The following ANKRD11 variants were observed in gnomAD, a reference collection of about 807,000 sequenced individuals.
The protein encoded by ANKRD11 is ankyrin repeat domain 11, also known as ankyrin repeat domain-containing protein 11.
ANKRD11 carries 17 observed loss-of-function variants against 195.7 expected under a neutral mutation model. The observed-to-expected ratio is 0.09, with a 90% confidence interval of 0.06 to 0.13. ANKRD11 has a LOEUF of 0.13. Among genes scored for constraint, ANKRD11 ranks in the 10% least tolerant of loss-of-function variants. The pLI, the probability that ANKRD11 is intolerant of heterozygous loss-of-function variation, is 1.00. For missense variants in ANKRD11, 3,735 were observed against 3,566.1 expected (o/e 1.05, Z -1.21); for synonymous variants, 1,953 against 1,528.1 (o/e 1.28, Z -6.49).
At chr16:89,455,531 C>G (rs559958325) in intron 1 of ANKRD11, among the ~76,000 whole-genome samples, 1 of 152,278 alleles carries the variant, frequency 6.6e-6, no homozygotes, top group South Asian at 2.1e-4. Flanking sequence ...CCTTCCAACA[C>G]TGCATGAGTA....
At chr16:89,325,442 C>T (rs1269958308) in intron 2 of ANKRD11, among the ~76,000 whole-genome samples, 1 of 128,958 alleles carries the variant, frequency 7.8e-6, no homozygotes, top group African/African-American at 3.1e-5. Flanking sequence ...TCTCCCCTCT[C>T]CCCTCTCCTC....
chr16:89,366,641 G>A (rs907347566), intron 2 of ANKRD11, among the ~76,000 whole-genome samples: 12 of 152,144 alleles, frequency 7.9e-5, no homozygotes, highest in Admixed American at 4.6e-4. Context: ...TGGCTAACCC[G>A]AGCTGTTTCC....
chr16:89,418,685 T>C (rs1856406222), intron 1 of ANKRD11, among the ~76,000 whole-genome samples: 1 of 152,098 alleles, frequency 6.6e-6, no homozygotes, highest in African/African-American at 2.4e-5. Flanking sequence ...GGGCTTTTTA[T>C]ACGTAAGAAA....
At chr16:89,438,978 C>A (rs934273764) in intron 1 of ANKRD11, among the ~76,000 whole-genome samples, 2 of 151,324 alleles carry the variant, frequency 1.3e-5, no homozygotes, top group Non-Finnish European at 2.9e-5. Context: ...AACGACAGAG[C>A]AAGACCCTGC....
intron 1 of ANKRD11, among the ~76,000 whole-genome samples, chr16:89,483,239 T>C (rs2057500786): frequency 6.6e-6 from 1 of 152,208 alleles, no homozygotes; most frequent in Non-Finnish European, 1.5e-5. Context: ...TCCTCAACTC[T>C]CTAAAACTTC....
intron 2 of ANKRD11, among the ~76,000 whole-genome samples, chr16:89,383,799 G>C (rs534104018): frequency 6.6e-6 from 1 of 152,286 alleles, no homozygotes; most frequent in African/African-American, 2.4e-5. Flanking sequence ...GCCCAATCAT[G>C]ATAGCACCCA....
At chr16:89,300,887 A>T (rs1287329791) in intron 4 of ANKRD11, 1 of 702,216 alleles carries the variant, frequency 1.4e-6, no homozygotes, top group African/African-American at 1.7e-5. Flanking sequence ...TGCAGAGGGC[A>T]GGCAGCTTCG....
intron 2 of ANKRD11, among the ~76,000 whole-genome samples, chr16:89,363,237 A>G (rs1003550947): frequency 6.6e-6 from 1 of 152,076 alleles, no homozygotes; most frequent in Non-Finnish European, 1.5e-5. Context: ...TTCATTTAAA[A>G]TTTTTTCCTA....
rs1282180334 is a variant in ANKRD11, at chr16:89,320,974, CAAGAGCACT to C, written c.-59-3905_-59-3897del. ...GCCTGCTCCTCCCGGAAGGTGGCTT[CAAGAGCACT>C]CAGGAGGTGACAGATGCTGTCAAGA... On this transcript the variant is annotated intron_variant, in intron 2 of 12. Coordinates refer to ENST00000301030, the MANE Select transcript of ANKRD11 (RefSeq NM_013275.6). Among the ~76,000 whole-genome samples, 4 of 152,218 alleles carry C rather than the reference CAAGAGCACT, an allele frequency of 2.6e-5. No individual in the cohort carries two copies. In the East Asian group the frequency reaches 7.7e-4, roughly 29 times the overall value.
intron 2 of ANKRD11, among the ~76,000 whole-genome samples, chr16:89,349,861 A>C (rs1212174874): frequency 7.5e-6 from 1 of 133,138 alleles, no homozygotes; most frequent in South Asian, 2.5e-4. Flanking sequence ...TACTTGTTAA[A>C]ACACACACAC....
intron 1 of ANKRD11, among the ~76,000 whole-genome samples, chr16:89,453,351 G>A (rs769897772): frequency 6.6e-6 from 1 of 152,182 alleles, no homozygotes; most frequent in Non-Finnish European, 1.5e-5. Context: ...TAAAATGGAA[G>A]AGGAATCCCT....
At chr16:89,374,345 AT>A (rs745985024) in intron 2 of ANKRD11, among the ~76,000 whole-genome samples, 5,426 of 147,836 alleles carry the variant, frequency 0.037, 211 homozygotes, top group African/African-American at 0.092. Context: ...TGTAAAAAAA[AT>A]AATAATAATA....
chr16:89,419,111 T>A lies in ANKRD11; in HGVS notation c.-144-743A>T, dbSNP rs193184142. Among the ~76,000 whole-genome samples, 124 of 152,328 alleles carry A rather than the reference T, an allele frequency of 8.1e-4. 1 individual carries two copies. The highest frequency in any genetic ancestry group is 2.9e-3 in the African/African-American group (121 of 41,578). Reference sequence around the variant, plus strand: ...AAGATAAGGTGGTTTTCATTTCCACTGAGTATTTTAAGAGGAAAAGATTAT... The same window carrying A: ...AAGATAAGGTGGTTTTCATTTCCACAGAGTATTTTAAGAGGAAAAGATTAT... On this transcript the variant is annotated intron_variant, in intron 1 of 12. Transcript: ENST00000301030.
At chr16:89,349,458 C>T (rs1042271793) in intron 2 of ANKRD11, among the ~76,000 whole-genome samples, 1 of 151,970 alleles carries the variant, frequency 6.6e-6, no homozygotes, top group South Asian at 2.1e-4. Flanking sequence ...CCAGCCTGGG[C>T]GACAGAGCGA....
chr16:89,286,915 A>C, intron 7 of ANKRD11: 1 of 1,289,614 alleles, frequency 7.8e-7, no homozygotes, highest in Non-Finnish European at 1.0e-6. Context: ...AATCTGTCAT[A>C]ACGTTTACTA....
chr16:89,408,402 G>A (rs958584910), intron 2 of ANKRD11, among the ~76,000 whole-genome samples: 18 of 152,260 alleles, frequency 1.2e-4, no homozygotes, highest in African/African-American at 4.3e-4. Flanking sequence ...AGTTGCCTGG[G>A]CAGAGGAGGA....
At chr16:89,302,382 A>G (rs563700911) in intron 4 of ANKRD11, among the ~76,000 whole-genome samples, 15 of 152,142 alleles carry the variant, frequency 9.9e-5, no homozygotes, top group Non-Finnish European at 2.2e-4. Flanking sequence ...CCTCCCGAGT[A>G]GCTGGGATTA....
intron 1 of ANKRD11, among the ~76,000 whole-genome samples, chr16:89,489,690 G>A (rs2057747233): frequency 6.6e-6 from 1 of 151,376 alleles, no homozygotes; most frequent in South Asian, 2.1e-4. Context: ...GCGCCCCCTG[G>A]CAGCCCCTCC....
intron 2 of ANKRD11, among the ~76,000 whole-genome samples, chr16:89,409,854 T>A (rs1396841594): frequency 7.1e-6 from 1 of 141,038 alleles, no homozygotes; most frequent in South Asian, 2.1e-4. Flanking sequence ...TTATTTATTT[T>A]TTGAGATGGG....
Sources: allele counts gnomAD v4.1 joint callset (sites outside exome capture counted in the v4.1 genomes callset), GRCh38; gene constraint gnomAD v4.1.1; transcripts MANE v1.5; gene names NCBI Gene and HGNC (gene_info 2026-07-23, HGNC 2026-07-21).